Variants in LRBA observed in about 807,000 individuals in gnomAD.
LRBA encodes lipopolysaccharide-responsive and beige-like anchor protein.
A neutral mutation model predicts 330.0 loss-of-function variants in LRBA; 176 were observed. The ratio of observed to expected loss-of-function variants is 0.53; its 90% confidence interval spans 0.47 to 0.60. The LOEUF (loss-of-function observed/expected upper bound fraction) is 0.60, where lower values mean the gene tolerates loss of function less well. Ranked by LOEUF, LRBA falls within the 20% of genes least tolerant of loss-of-function variation. The pLI is 0.00. For missense variants in LRBA, 3,259 were observed against 3,444.8 expected, an observed-to-expected ratio of 0.95 and a Z score of 1.35; for synonymous variants, 1,230 against 1,193.0, an observed-to-expected ratio of 1.03 and a Z score of -0.64.
At chr4:150,979,729 G>A (rs917115925) in intron 2 of LRBA, among the ~76,000 whole-genome samples, 12 of 152,100 alleles carry the variant, frequency 7.9e-5, no homozygotes, top group African/African-American at 2.7e-4. Flanking sequence ...CAAGCTTCAT[G>A]GTAACCTCAA....
At chr4:150,874,842 T>G (rs1357219290) in intron 17 of LRBA, among the ~76,000 whole-genome samples, 1 of 152,166 alleles carries the variant, frequency 6.6e-6, no homozygotes, top group South Asian at 2.1e-4. Flanking sequence ...TGCAGCAAGA[T>G]GCACAGGCAG....
intron 9 of LRBA, among the ~76,000 whole-genome samples, chr4:150,912,441 C>T (rs72719685): frequency 3.3e-5 from 5 of 152,332 alleles, no homozygotes; most frequent in East Asian, 1.9e-4. Context: ...CCATCACCCC[C>T]GGATGGAACC....
intron 47 of LRBA, among the ~76,000 whole-genome samples, chr4:150,396,588 T>C (rs1314009663): frequency 6.6e-6 from 1 of 151,950 alleles, no homozygotes; most frequent in Non-Finnish European, 1.5e-5. Flanking sequence ...TTAACCATAA[T>C]AGTAGTCTAC....
intron 35 of LRBA, among the ~76,000 whole-genome samples, chr4:150,759,066 G>T (rs1734717401): frequency 6.6e-6 from 1 of 151,526 alleles, no homozygotes; most frequent in Admixed American, 6.6e-5. Context: ...ATAGGCACCT[G>T]CCACTATACC....
chr4:150,503,494 G>A (rs1760591448), intron 40 of LRBA, among the ~76,000 whole-genome samples: 1 of 152,140 alleles, frequency 6.6e-6, no homozygotes, highest in African/African-American at 2.4e-5. Flanking sequence ...AACTGGGTCT[G>A]GAGTGGACTC....
intron 37 of LRBA, among the ~76,000 whole-genome samples, chr4:150,629,576 T>C (rs1282782726): frequency 1.3e-5 from 2 of 151,992 alleles, no homozygotes; most frequent in Admixed American, 6.5e-5. Flanking sequence ...GAGGCGAAGG[T>C]TGCAGTGAGC....
chr4:150,436,856 T>A lies in LRBA; in HGVS notation c.6789A>T (p.Gly2263=). Residue 2263 remains glycine (G), a synonymous_variant, in exon 45 of 57, where the codon GGA becomes GGT. Transcript: ENST00000651943. The part of the protein sequence containing the change: ...TNFRDLSKPI[G]ALNPKRAAFF... ...ATGCTGCTCTTTTTGGGTTCAGAGC[T>A]CCTATTGGCTGCCAATAGGGAGGGA... 1 of 1,613,386 alleles carries A rather than the reference T, an allele frequency of 6.2e-7. No individual in the cohort carries two copies. Among genetic ancestry groups the A allele is most frequent in the Non-Finnish European group, 8.5e-7 (1 of 1,179,678 alleles).
chr4:150,983,354 T>C (rs1199573251), intron 2 of LRBA, among the ~76,000 whole-genome samples: 5 of 152,006 alleles, frequency 3.3e-5, no homozygotes, highest in East Asian at 1.9e-4. Context: ...ACTGAGGAAG[T>C]TGAGGCAGAA....
chr4:150,677,546 C>T (rs1171278054), intron 37 of LRBA, among the ~76,000 whole-genome samples: 2 of 151,998 alleles, frequency 1.3e-5, no homozygotes, highest in African/African-American at 4.8e-5. Flanking sequence ...AAATATTTTA[C>T]TCAGAATTAT....
chr4:150,692,277 G>A (rs1561521828), intron 36 of LRBA, among the ~76,000 whole-genome samples: 1 of 152,062 alleles, frequency 6.6e-6, no homozygotes, highest in Non-Finnish European at 1.5e-5. Context: ...GGAGTGCAGT[G>A]GTGTGATCTT....
rs1455991560 is a variant in LRBA, at chr4:150,688,619, T to A, written c.5755-4902A>T. 2.6e-5 allele frequency among the ~76,000 whole-genome samples: 4 copies of A among 151,110 alleles called. No individual in the cohort carries two copies. In the East Asian group the frequency reaches 5.9e-4, roughly 22 times the overall value. ...AAACTAATTTACAAGAAAGAAACAATCCCATCAAAAAGTGGGTGAAGGATA... is the reference window on the plus strand; with the variant it reads ...AAACTAATTTACAAGAAAGAAACAAACCCATCAAAAAGTGGGTGAAGGATA... On this transcript the variant is annotated intron_variant, in intron 36 of 56. Coordinates refer to ENST00000651943, the MANE Select transcript of LRBA (RefSeq NM_001364905.1).
chr4:150,557,196 C>T (rs1767438440), intron 40 of LRBA, among the ~76,000 whole-genome samples: 1 of 152,054 alleles, frequency 6.6e-6, no homozygotes, highest in Admixed American at 6.5e-5. Context: ...GAAAGGCTTC[C>T]CACTGGCCCA....
intron 46 of LRBA, among the ~76,000 whole-genome samples, chr4:150,426,124 T>C (rs1385303826): frequency 6.6e-6 from 1 of 152,080 alleles, no homozygotes; most frequent in Non-Finnish European, 1.5e-5. Context: ...GAACATTGAA[T>C]TGCATTTATA....
At chr4:150,451,066 A>G (rs1335224325) in intron 44 of LRBA, among the ~76,000 whole-genome samples, 2 of 152,138 alleles carry the variant, frequency 1.3e-5, no homozygotes, top group African/African-American at 4.8e-5. Flanking sequence ...AAACAAATAG[A>G]AAAACTAACA....
At chr4:150,299,045 GTATT>G (rs1729322838) in intron 53 of LRBA, among the ~76,000 whole-genome samples, 1 of 151,904 alleles carries the variant, frequency 6.6e-6, no homozygotes, top group Non-Finnish European at 1.5e-5. Flanking sequence ...AAAGTTTAAA[GTATT>G]TATTTATCAA....
At chr4:150,693,446 C>T (rs1030774764) in intron 36 of LRBA, among the ~76,000 whole-genome samples, 3 of 149,020 alleles carry the variant, frequency 2.0e-5, no homozygotes, top group Non-Finnish European at 3.0e-5. Flanking sequence ...CGCCTGTAGT[C>T]CCAGCTACTT....
At chr4:150,306,659 CATT>C (rs1730398402) in intron 52 of LRBA, among the ~76,000 whole-genome samples, 1 of 151,606 alleles carries the variant, frequency 6.6e-6, no homozygotes, top group South Asian at 2.1e-4. Flanking sequence ...TTTTTAAAGA[CATT>C]AGAAGGTATT....
At chr4:150,344,974 A>G (rs1442007716) in intron 48 of LRBA, among the ~76,000 whole-genome samples, 1 of 152,016 alleles carries the variant, frequency 6.6e-6, no homozygotes, top group Non-Finnish European at 1.5e-5. Context: ...TCTTTTATCT[A>G]TGTGCAGGAA....
chr4:150,847,824 T>C (rs1413757273), intron 26 of LRBA, among the ~76,000 whole-genome samples: 1 of 152,198 alleles, frequency 6.6e-6, no homozygotes, highest in Non-Finnish European at 1.5e-5. Flanking sequence ...GGAAGAAGTG[T>C]TTCCAGGAGA....
Sources: gnomAD v4.1 joint callset for allele counts (sites outside exome capture counted in the v4.1 genomes callset) on GRCh38, gnomAD v4.1.1 for gene constraint, MANE v1.5 for transcripts, NCBI Gene and HGNC (gene_info 2026-07-23, HGNC 2026-07-21) for gene names.